The following RAPGEF2 variants were observed in gnomAD, a reference collection of about 807,000 sequenced individuals.
RAPGEF2 encodes PDZ domain containing guanine nucleotide exchange factor (GEF) 1.
A neutral mutation model predicts 186.7 loss-of-function variants in RAPGEF2; 54 were observed. That is an observed-to-expected ratio of 0.29 (90% CI 0.23 to 0.36). The LOEUF (loss-of-function observed/expected upper bound fraction) is 0.36, where lower values mean the gene tolerates loss of function less well. Ranked by LOEUF, RAPGEF2 falls within the 10% of genes least tolerant of loss-of-function variation. The pLI is 1.00. For synonymous variants in RAPGEF2, 712 were observed against 705.9 expected (o/e 1.01, Z -0.14); for missense variants, 1,532 against 2,045.0 (o/e 0.75, Z 4.84).
At chr4:159,305,333 C>T (rs79735098) in intron 8 of RAPGEF2, among the ~76,000 whole-genome samples, 8,706 of 152,196 alleles carry the variant, frequency 0.057, 351 homozygotes, top group Non-Finnish European at 0.086. Flanking sequence ...TCCACATCCT[C>T]ACCATCTGTT....
At chr4:159,265,966 C>G (rs4691552) in intron 7 of RAPGEF2, among the ~76,000 whole-genome samples, 41,762 of 151,926 alleles carry the variant, frequency 0.27, 7,064 homozygotes, top group African/African-American at 0.47. Context: ...TGTAAGTATT[C>G]CATGGGATGA....
At chr4:159,135,693 G>A (rs376170213) in intron 1 of RAPGEF2, among the ~76,000 whole-genome samples, 23 of 152,060 alleles carry the variant, frequency 1.5e-4, no homozygotes, top group East Asian at 1.2e-3. Flanking sequence ...TCTGCCTCCC[G>A]GGTTCAAGCG....
chr4:159,322,360 A>G lies in RAPGEF2; in HGVS notation c.867A>G (p.Glu289=), dbSNP rs768498511. ...RTDDDIEQLL[E]FMHQLPAFAN... ...TTTGCTTTTCAGAACAACTCTTGGA[A>G]TTTATGCACCAGTTGCCTGCTTTTG... Residue 289 remains glutamate (E), a synonymous_variant, in exon 10 of 30, where the codon GAA becomes GAG. Transcript: ENST00000691494. 4 of 1,613,862 alleles carry G rather than the reference A, an allele frequency of 2.5e-6. No homozygotes were observed. The East Asian group carries it at 6.7e-5, about 27-fold the overall frequency.
At position 159,244,732 on chromosome 4, in the gene RAPGEF2, G is replaced by C. The variant is rs1377116507; in HGVS notation, c.543+941G>C. The stretch of plus-strand genomic sequence containing the variant: ...GCTATTAGAGTAACTTTGCCTAAAA[G>C]TATGAATTTTATGTATAATTTTTCG... On this transcript the variant is annotated intron_variant, in intron 7 of 29. Transcript: ENST00000691494. 2.6e-5 allele frequency among the ~76,000 whole-genome samples: 4 copies of C among 151,916 alleles called. No homozygotes were observed. The East Asian group carries it at 7.7e-4, about 29-fold the overall frequency.
chr4:159,297,161 C>A (rs998738650), intron 7 of RAPGEF2, among the ~76,000 whole-genome samples: 1 of 152,134 alleles, frequency 6.6e-6, no homozygotes, highest in African/African-American at 2.4e-5. Context: ...CACATCTTAT[C>A]AAGCCCTCTC....
At chr4:159,126,794 A>G (rs1177609465) in intron 1 of RAPGEF2, among the ~76,000 whole-genome samples, 1 of 152,088 alleles carries the variant, frequency 6.6e-6, no homozygotes, top group Admixed American at 6.5e-5. Flanking sequence ...GCTGTTATAG[A>G]CCTGTTTATT....
intron 7 of RAPGEF2, among the ~76,000 whole-genome samples, chr4:159,248,670 A>G (rs886768348): frequency 6.6e-6 from 1 of 152,204 alleles, no homozygotes; most frequent in Non-Finnish European, 1.5e-5. Context: ...TGCAGTTACA[A>G]TCAGGTATTT....
At chr4:159,332,969 T>G (rs562837169) in intron 17 of RAPGEF2, 11 of 161,272 alleles carry the variant, frequency 6.8e-5, no homozygotes, top group Non-Finnish European at 1.1e-4. Flanking sequence ...TTTTTTAATT[T>G]TTATTTATTT....
At chr4:159,294,634 T>TTC (rs1554029084) in intron 7 of RAPGEF2, among the ~76,000 whole-genome samples, 1,779 of 133,088 alleles carry the variant, frequency 0.013, 51 homozygotes, top group Middle Eastern at 0.041. Flanking sequence ...AGCTTCCATT[T>TTC]CTTCCTTCCT....
At chr4:159,296,392 T>C (rs1762030577) in intron 7 of RAPGEF2, among the ~76,000 whole-genome samples, 1 of 152,252 alleles carries the variant, frequency 6.6e-6, no homozygotes, top group African/African-American at 2.4e-5. Context: ...GAAATTTGTA[T>C]TTCACTAGTA....
chr4:159,258,629 T>A (rs1561161863), intron 7 of RAPGEF2, among the ~76,000 whole-genome samples: 1 of 152,194 alleles, frequency 6.6e-6, no homozygotes, highest in African/African-American at 2.4e-5. Context: ...CTAGATTTTT[T>A]AAAAATAAAA....
At position 159,343,116 on chromosome 4, in the gene RAPGEF2, A is replaced by G. The variant is rs766326195; in HGVS notation, c.3056A>G (p.Asn1019Ser). 30 of 1,613,992 alleles carry G rather than the reference A, an allele frequency of 1.9e-5. No homozygotes were observed. The highest frequency in any genetic ancestry group is 6.7e-5 in the Admixed American group (4 of 59,992). Residue 1019 changes from asparagine (N) to serine (S), a missense_variant, in exon 21 of 30, where the codon AAT becomes AGT. Asn to Ser is a conservative substitution (Grantham distance 46). This residue lies in a region of RAPGEF2 where 11 missense variants were observed against 45.2 expected (regional missense o/e 0.24). Transcript: ENST00000691494. ...RNMAKYRNVL[N>S]SQNLQPPIIP... is the part of the protein sequence containing the mutation. ...ATGGCAAAATATCGTAATGTTCTCA[A>G]TAGTCAAAATCTACAACCTCCCATA...
intron 7 of RAPGEF2, among the ~76,000 whole-genome samples, chr4:159,278,994 C>T (rs1187924076): frequency 6.6e-6 from 1 of 152,108 alleles, no homozygotes; most frequent in Non-Finnish European, 1.5e-5. Flanking sequence ...GGTGACTGTC[C>T]TTAAGTTGGT....
At chr4:159,233,243 C>T (rs1291370700) in intron 4 of RAPGEF2, among the ~76,000 whole-genome samples, 4 of 152,198 alleles carry the variant, frequency 2.6e-5, no homozygotes, top group African/African-American at 4.8e-5. Flanking sequence ...ACTCCAAGGT[C>T]ATGAGGATTT....
In RAPGEF2 at chr4:159,345,164, C is replaced by A; in HGVS notation, c.3337C>A (p.His1113Asn). Residue 1113 changes from histidine (H) to asparagine (N), a missense_variant, in exon 24 of 30, where the codon CAT (histidine) becomes AAT (asparagine). Physicochemically the swap from His to Asn is moderately conservative, Grantham distance 68. Coordinates refer to ENST00000691494, the MANE Select transcript of RAPGEF2 (RefSeq NM_001394067.2). ...GCTAGATGTTGCTCAGACAGGTGGT[C>A]ATAAAAAGCGGGTACGTCGTAGTTC... ...TVLDVAQTGGHKKRVRRSSFL... is the reference protein window; with the variant it reads ...TVLDVAQTGGNKKRVRRSSFL... 1.2e-6 allele frequency: 2 copies of A among 1,614,078 alleles called. No individual in the cohort carries two copies. The highest frequency in any genetic ancestry group is 2.2e-5 in the South Asian group (2 of 91,040).
At chr4:159,231,027 T>G (rs1477164509) in intron 4 of RAPGEF2, among the ~76,000 whole-genome samples, 1 of 152,186 alleles carries the variant, frequency 6.6e-6, no homozygotes, top group Non-Finnish European at 1.5e-5. Context: ...TGTAATAATG[T>G]TTTAATCAGT....
At chr4:159,108,856 A>C (rs562767873) in intron 1 of RAPGEF2, among the ~76,000 whole-genome samples, 1 of 152,042 alleles carries the variant, frequency 6.6e-6, no homozygotes, top group Admixed American at 6.6e-5. Context: ...AACTGGGTCT[A>C]CAGGCTTATG....
At chr4:159,217,114 G>A (rs1242183486) in intron 4 of RAPGEF2, among the ~76,000 whole-genome samples, 1 of 152,098 alleles carries the variant, frequency 6.6e-6, no homozygotes, top group Non-Finnish European at 1.5e-5. Context: ...GTGGTTCTAT[G>A]TGGCAGAGAC....
At chr4:159,228,728 G>T (rs1015915220) in intron 4 of RAPGEF2, among the ~76,000 whole-genome samples, 1 of 152,186 alleles carries the variant, frequency 6.6e-6, no homozygotes, top group Non-Finnish European at 1.5e-5. Context: ...ACACACACAT[G>T]TAAATTATAT....
Sources: gnomAD v4.1 joint callset for allele counts (sites outside exome capture counted in the v4.1 genomes callset) on GRCh38, gnomAD v4.1.1 for gene constraint, gnomAD v4.1.1 regional missense constraint, MANE v1.5 for transcripts, NCBI Gene and HGNC (gene_info 2026-07-23, HGNC 2026-07-21) for gene names.